The following CC2D2B variants were observed in gnomAD, a reference collection of about 807,000 sequenced individuals.
CC2D2B encodes the protein protein CC2D2B.
CC2D2B carries 128 observed loss-of-function variants against 161.2 expected under a neutral mutation model. That is an observed-to-expected ratio of 0.79 (90% CI 0.69 to 0.92). The LOEUF is 0.92. Ranked by LOEUF, CC2D2B falls within the 40% of genes least tolerant of loss-of-function variation. CC2D2B has a pLI of 0.00. For missense variants in CC2D2B, 1,173 were observed against 1,375.1 expected, an observed-to-expected ratio of 0.85 and a Z score of 2.32; for synonymous variants, 391 against 449.8, an observed-to-expected ratio of 0.87 and a Z score of 1.65.
intron 9 of CC2D2B, among the ~76,000 whole-genome samples, chr10:95,944,706 C>G (rs2076137754): frequency 6.6e-6 from 1 of 152,146 alleles, no homozygotes; most frequent in South Asian, 2.1e-4. Flanking sequence ...TTGTAATAAT[C>G]TAGAATCCCA....
intron 16 of CC2D2B, 24 bp downstream of exon 16, chr10:95,972,240 T>C (rs1434117298): frequency 8.1e-7 from 1 of 1,227,498 alleles, no homozygotes; most frequent in African/African-American, 1.6e-5. Flanking sequence ...AAATATTACA[T>C]TCCCCCTATT....
intron 2 of CC2D2B, among the ~76,000 whole-genome samples, chr10:95,916,882 T>C (rs1289497418): frequency 6.6e-6 from 1 of 152,198 alleles, no homozygotes; most frequent in Non-Finnish European, 1.5e-5. Context: ...AGATGAAACA[T>C]TCTATAAATA....
At chr10:95,931,894 C>T (rs536884580) in intron 6 of CC2D2B, among the ~76,000 whole-genome samples, 8 of 152,282 alleles carry the variant, frequency 5.3e-5, no homozygotes, top group African/African-American at 1.9e-4. Context: ...TCTGTTAGGT[C>T]CACTTGGTCC....
At chr10:95,983,491 T>C in intron 18 of CC2D2B, 115 bp from the exon 19 acceptor site, 1 of 424,268 alleles carries the variant, frequency 2.4e-6, no homozygotes, top group Non-Finnish European at 4.0e-6. Flanking sequence ...AATTCAGTTG[T>C]TCCATTTCCT....
rs1224313920 is a variant in CC2D2B, at chr10:95,950,125, T to C, written c.1011+20T>C. 1.0e-5 allele frequency: 4 copies of C among 398,584 alleles called. No individual in the cohort carries two copies. Among genetic ancestry groups the C allele is most frequent in the Non-Finnish European group, 1.3e-5 (3 of 225,872 alleles). The allele number at this position is 398,584 out of a possible 1,614,324, so 24.7% of individuals were successfully genotyped here. A position where few individuals can be genotyped will look rare whatever the true frequency, so the allele number is the denominator to read the frequency against. ...GAGAAGGTGAGAATGGCTTTCATTA[T>C]AAAGCTAAACATTTAATATTGAAAA... On this transcript the variant is annotated intron_variant, in intron 10 of 34. Transcript: ENST00000646931.
chr10:96,024,076 T>C (rs1361440091), intron 32 of CC2D2B, among the ~76,000 whole-genome samples: 1 of 152,206 alleles, frequency 6.6e-6, no homozygotes, highest in Non-Finnish European at 1.5e-5. Context: ...CTCACTCTTG[T>C]CCATGTGAGA....
chr10:95,986,476 T>G (rs952602264), intron 19 of CC2D2B, among the ~76,000 whole-genome samples: 3 of 151,182 alleles, frequency 2.0e-5, no homozygotes, highest in African/African-American at 7.3e-5. Flanking sequence ...AGAAAAGAAA[T>G]AAATACCATG....
chr10:96,007,270 A>G (rs1183070555), intron 25 of CC2D2B, among the ~76,000 whole-genome samples: 1 of 152,100 alleles, frequency 6.6e-6, no homozygotes, highest in Non-Finnish European at 1.5e-5. Flanking sequence ...AAGTGAGAGC[A>G]TGTGGTATTT....
chr10:96,024,034 T>C (rs911613964), intron 32 of CC2D2B, among the ~76,000 whole-genome samples: 1 of 152,224 alleles, frequency 6.6e-6, no homozygotes, highest in Non-Finnish European at 1.5e-5. Context: ...AGCTCAGGAA[T>C]ACCCAAAGTA....
At chr10:95,959,422 G>A (rs1334626268) in intron 11 of CC2D2B, among the ~76,000 whole-genome samples, 2 of 151,998 alleles carry the variant, frequency 1.3e-5, no homozygotes, top group Non-Finnish European at 2.9e-5. Context: ...GCACAAAAAA[G>A]TTTCACAACC....
chr10:96,025,198 T>TAAAA (rs2079702611), intron 33 of CC2D2B, among the ~76,000 whole-genome samples: 2 of 93,616 alleles, frequency 2.1e-5, no homozygotes, highest in Non-Finnish European at 4.0e-5. Context: ...AAAAAATATA[T>TAAAA]ATATATATAT....
intron 17 of CC2D2B, among the ~76,000 whole-genome samples, chr10:95,977,030 A>ACC (rs1490946761): frequency 6.7e-6 from 1 of 150,026 alleles, no homozygotes; most frequent in Non-Finnish European, 1.5e-5. Context: ...GATTACAGGC[A>ACC]TGAGCCACCG....
chr10:95,958,722 T>C (rs2076662768), intron 11 of CC2D2B, among the ~76,000 whole-genome samples: 1 of 151,480 alleles, frequency 6.6e-6, no homozygotes. Context: ...AAGAAAAAAA[T>C]ATTGAAGAAA....
intron 22 of CC2D2B, among the ~76,000 whole-genome samples, 154 bp downstream of exon 22, chr10:95,992,851 CCTA>C (rs2078008779): frequency 6.6e-6 from 1 of 152,194 alleles, no homozygotes; most frequent in Admixed American, 6.5e-5. Context: ...CATAGTCATA[CCTA>C]CTGTCAATGC....
chr10:96,025,700 G>A (rs2079742793), intron 33 of CC2D2B, among the ~76,000 whole-genome samples: 2 of 152,222 alleles, frequency 1.3e-5, no homozygotes, highest in Admixed American at 1.3e-4. Flanking sequence ...AAGTGCCTGA[G>A]GAAGTCAGTC....
intron 5 of CC2D2B, among the ~76,000 whole-genome samples, chr10:95,926,842 GTGTGTC>G (rs1192301115): frequency 1.6e-4 from 23 of 142,646 alleles, no homozygotes; most frequent in East Asian, 7.9e-4. Context: ...GTGTGTGTGT[GTGTGTC>G]TGTGTGTGTG....
At chr10:95,921,020 T>A (rs573822911) in intron 2 of CC2D2B, 1 of 152,824 alleles carries the variant, frequency 6.5e-6, no homozygotes, top group East Asian at 1.9e-4. Context: ...CTGCCCCAGC[T>A]GGTGTCTCAC....
intron 17 of CC2D2B, among the ~76,000 whole-genome samples, chr10:95,981,742 AGGT>A (rs2077538472): frequency 6.6e-6 from 1 of 152,216 alleles, no homozygotes; most frequent in Admixed American, 6.5e-5. Context: ...ATTCTTAATA[AGGT>A]TATTGTCTCT....
At position 95,947,085 on chromosome 10, in the gene CC2D2B, ATAT is replaced by A. The variant is rs1475934396; in HGVS notation, c.802-2810_802-2808del. ...AATTCCAAATAGTGGACTCAAAAAT[ATAT>A]ATATATATATATATATATATATATA... is the stretch of plus-strand genomic sequence containing the variant. On this transcript the variant is annotated intron_variant, in intron 9 of 34. Transcript: ENST00000646931. Among the ~76,000 whole-genome samples the A allele has an allele frequency of 7.4e-5, 2 of 26,974 alleles. 1 individual carries two copies. Among genetic ancestry groups the A allele is most frequent in the African/African-American group, 4.1e-4 (2 of 4,934 alleles). 17.7% of individuals were successfully genotyped at this position (26,974 alleles called of 152,430 possible).
Sources: allele counts gnomAD v4.1 joint callset (sites outside exome capture counted in the v4.1 genomes callset), GRCh38; gene constraint gnomAD v4.1.1; transcripts MANE v1.5; gene names NCBI Gene and HGNC (gene_info 2026-07-23, HGNC 2026-07-21).